Variants in PROCA1 observed in about 807,000 individuals in gnomAD.
The protein encoded by PROCA1 is protein interacting with cyclin A1.
PROCA1 carries 22 observed loss-of-function variants against 23.2 expected under a neutral mutation model. That is an observed-to-expected ratio of 0.95 (90% CI 0.68 to 1.35). The LOEUF (loss-of-function observed/expected upper bound fraction) is 1.35, where lower values mean the gene tolerates loss of function less well. PROCA1 is among the 40% of genes most tolerant of loss of function. The pLI is 0.00. For synonymous variants in PROCA1, 182 were observed against 179.2 expected (o/e 1.02, Z -0.12); for missense variants, 469 against 459.8 (o/e 1.02, Z -0.18).
intron 2 of PROCA1, chr17:28,706,369 C>G (rs1441595828): frequency 3.6e-5 from 8 of 221,510 alleles, no homozygotes; most frequent in Admixed American, 2.4e-4. Context: ...CTTTACTTCT[C>G]TGAGCCTTTA....
chr17:28,711,243 A>T (rs1204942821), intron 1 of PROCA1: 1 of 913,680 alleles, frequency 1.1e-6, no homozygotes, highest in East Asian at 4.6e-5. Context: ...CCGGCGCTTC[A>T]AGGGCAGCGG....
intron 2 of PROCA1, chr17:28,706,436 C>T (rs1391122974): frequency 1.7e-5 from 4 of 231,604 alleles, no homozygotes; most frequent in South Asian, 1.1e-4. Context: ...GGTTGTTGGG[C>T]GGACTCAATT....
At chr17:28,710,798 G>GA in intron 1 of PROCA1, 1 of 1,304,034 alleles carries the variant, frequency 7.7e-7, no homozygotes, top group Non-Finnish European at 1.0e-6. Flanking sequence ...TAGGGTGAAA[G>GA]AAAGTGGGAG....
intron 2 of PROCA1, chr17:28,705,782 C>A (rs2032444653): frequency 6.6e-6 from 1 of 152,330 alleles, no homozygotes; most frequent in South Asian, 2.1e-4. Flanking sequence ...CGACTCTGCG[C>A]CTCTCACAGC....
chr17:28,704,194 A>G lies in PROCA1; in HGVS notation c.459T>C (p.Pro153=), dbSNP rs1323575794. The change falls in exon 5 of 5, where the codon CCT becomes CCC. Residue 153 remains proline (P), a synonymous_variant. Coordinates refer to ENST00000682792, the MANE Select transcript of PROCA1 (RefSeq NM_001366301.1). ...GATGGTGGATCACTGCCACAGAGAC[A>G]GGTCTGTAGCTTTTGCACCTGGGAG... ...FRYGWCKSYR[P]VSVAVIHHPL... is the part of the protein sequence containing the mutation. 1 of 1,544,014 alleles carries G rather than the reference A, an allele frequency of 6.5e-7. No individual in the cohort carries two copies. Among genetic ancestry groups the G allele is most frequent in the Non-Finnish European group, 8.7e-7 (1 of 1,148,264 alleles).
chr17:28,706,914 C>CGGCGGGGGGGGGGGGGGGGGGGG (rs2032509713), intron 1 of PROCA1, 151 bp from the exon 2 acceptor site: 1 of 770 alleles, frequency 1.3e-3, no homozygotes, highest in African/African-American at 0.013. Flanking sequence ...TAAGGGGTTG[C>CGGCGGGGGGGGGGGGGGGGGGGG]GGGGGGGGGG....
At chr17:28,704,924 A>AATTCACCTGCCACCAC in intron 2 of PROCA1, 81 bp from the exon 3 acceptor site, 1 of 1,365,630 alleles carries the variant, frequency 7.3e-7, no homozygotes, top group Non-Finnish European at 1.0e-6. Flanking sequence ...AACCTCACCA[A>AATTCACCTGCCACCAC]ATTCACCTGC....
chr17:28,708,230 G>A (rs1360073634), intron 1 of PROCA1, among the ~76,000 whole-genome samples: 3 of 152,082 alleles, frequency 2.0e-5, no homozygotes, highest in Admixed American at 6.5e-5. Flanking sequence ...GGCTGGTCTC[G>A]AACTCCTGAC....
intron 2 of PROCA1, chr17:28,705,529 T>A (rs2032432241): frequency 6.6e-6 from 1 of 152,334 alleles, no homozygotes; most frequent in African/African-American, 2.4e-5. Flanking sequence ...ACCCCCAGCC[T>A]AAGCACCCTT....
chr17:28,706,633 G>A (rs1310060785), intron 2 of PROCA1, 47 bp downstream of exon 2: 1 of 1,254,732 alleles, frequency 8.0e-7, no homozygotes, highest in South Asian at 1.2e-5. Flanking sequence ...GCTTTCCCAG[G>A]TGAGGGGTGA....
chr17:28,707,016 G>A (rs929663337), intron 1 of PROCA1: 1 of 347,184 alleles, frequency 2.9e-6, no homozygotes, highest in African/African-American at 2.2e-5. Context: ...TGCTGACAGG[G>A]AAAGGGTAGC....
At chr17:28,709,031 C>T (rs1377610000) in intron 1 of PROCA1, among the ~76,000 whole-genome samples, 31 of 152,152 alleles carry the variant, frequency 2.0e-4, no homozygotes, top group Admixed American at 2.0e-3. Context: ...AAATCCCCAC[C>T]ACAGCCCCAT....
At chr17:28,705,097 C>T (rs1000789179) in intron 2 of PROCA1, 18 of 391,868 alleles carry the variant, frequency 4.6e-5, no homozygotes, top group African/African-American at 3.5e-4. Context: ...CTTCTGTCCT[C>T]TCCCTCCAGT....
intron 2 of PROCA1, 66 bp from the exon 3 acceptor site, chr17:28,704,909 G>T: frequency 6.6e-7 from 1 of 1,508,118 alleles, no homozygotes; most frequent in Admixed American, 1.9e-5. Flanking sequence ...CACAGCTCAA[G>T]CTAAAACCTC....
Position 28,703,587 on chromosome 17 carries a change from G to T in PROCA1, c.1066C>A (p.Pro356Thr), listed in dbSNP as rs774832594. The T allele has an allele frequency of 6.2e-7, 1 of 1,614,072 alleles. No homozygotes were observed. Among genetic ancestry groups the T allele is most frequent in the East Asian group, 2.2e-5 (1 of 44,894 alleles). ...CTGAGGTTGGGGTTTGATCCTGGGG[G>T]AGATTTTCTCTTGTTTACCTTCCTG... ...QARKVNKRKS[P>T]PGSNPNLS The change falls in exon 5 of 5, where the codon CCC (proline) becomes ACC (threonine). Residue 356 changes from proline (P) to threonine (T), a missense_variant. Physicochemically the swap from Pro to Thr is conservative, Grantham distance 38. Transcript: ENST00000682792.
intron 1 of PROCA1, among the ~76,000 whole-genome samples, chr17:28,710,506 CAAAAA>C (rs71278535): frequency 1.6e-4 from 5 of 30,760 alleles, no homozygotes; most frequent in East Asian, 9.1e-4. Flanking sequence ...GATTCCATCT[CAAAAA>C]AAAAAAAAAA....
chr17:28,711,628 T>G lies in PROCA1; in HGVS notation c.33A>C (p.Arg11Ser). 1 of 1,612,524 alleles carries G rather than the reference T, an allele frequency of 6.2e-7. No homozygotes were observed. The highest frequency in any genetic ancestry group is 8.5e-7 in the Non-Finnish European group (1 of 1,179,522). The change falls in exon 1 of 5, where the codon AGA (arginine) becomes AGC (serine). Residue 11 changes from arginine to serine, a missense_variant. Coordinates refer to ENST00000682792, the MANE Select transcript of PROCA1 (RefSeq NM_001366301.1). MWVRTTLTIE[R>S]WTKEKTEPKA... ...TGGGCTCGGTCTTTTCCTTAGTCCA[T>G]CTTTCAATTGTGAGCGTCGTCCTGA...
rs1279691425 is a variant in PROCA1, at chr17:28,711,724, C to T, written c.-64G>A. The T allele has an allele frequency of 1.6e-5, 23 of 1,441,356 alleles. No individual in the cohort carries two copies. In the Admixed American group the frequency reaches 4.2e-4, roughly 26 times the overall value. 89.3% of individuals were successfully genotyped at this position (1,441,356 alleles called of 1,614,324 possible). On this transcript the variant is annotated 5_prime_UTR_variant, in exon 1 of 5. Coordinates refer to ENST00000682792, the MANE Select transcript of PROCA1 (RefSeq NM_001366301.1). ...CGTGAAGTCCAACCCTGAGCCTCAG[C>T]CCGGCCGAGCCCTCGGCCCAGCCGT...
rs2032236006 is a variant in PROCA1 at position 28,703,578 on chromosome 17, A to T, written c.1075T>A (p.Ser359Thr). The T allele has an allele frequency of 3.1e-6, 5 of 1,613,888 alleles. No homozygotes were observed. The highest frequency in any genetic ancestry group is 4.2e-6 in the Non-Finnish European group (5 of 1,179,958). Reference protein sequence around the residue: ...KVNKRKSPPGSNPNLS With the variant: ...KVNKRKSPPGTNPNLS ...TGGCCTCAACTGAGGTTGGGGTTTG[A>T]TCCTGGGGGAGATTTTCTCTTGTTT... The change falls in exon 5 of 5, where the codon TCA (serine) becomes ACA (threonine). Residue 359 changes from serine to threonine, a missense_variant. Ser to Thr is a moderately conservative substitution (Grantham distance 58, BLOSUM62 1). Transcript: ENST00000682792.
Sources: gnomAD v4.1 joint callset for allele counts (sites outside exome capture counted in the v4.1 genomes callset) on GRCh38, gnomAD v4.1.1 for gene constraint, MANE v1.5 for transcripts, NCBI Gene and HGNC (gene_info 2026-07-23, HGNC 2026-07-21) for gene names.